NT5C2: variants seen among roughly 807,000 people sequenced by gnomAD.
NT5C2 encodes the protein cytosolic purine 5'-nucleotidase.
Under a neutral mutation model 76.1 loss-of-function variants are expected in NT5C2, and 58 were observed. The observed-to-expected ratio is 0.76, with a 90% CI of 0.62 to 0.95. The LOEUF (loss-of-function observed/expected upper bound fraction) is 0.95. Ranked by LOEUF, NT5C2 falls within the 40% of genes least tolerant of loss-of-function variation. NT5C2 has a pLI of 0.00. For missense variants in NT5C2, 478 were observed against 690.3 expected (o/e 0.69, Z 3.45); for synonymous variants, 229 against 237.4 (o/e 0.96, Z 0.32).
At chr10:103,176,525 T>C (rs897794961) in intron 2 of NT5C2, among the ~76,000 whole-genome samples, 4 of 152,220 alleles carry the variant, frequency 2.6e-5, no homozygotes, top group Non-Finnish European at 5.9e-5. Context: ...TTGTGCTGTG[T>C]CTGCTGGCAC....
At chr10:103,125,444 G>A (rs2076486280) in intron 4 of NT5C2, 2 of 247,886 alleles carry the variant, frequency 8.1e-6, no homozygotes, top group South Asian at 4.6e-5. Context: ...ATGATGGAAA[G>A]AAAAAAAAAT....
intron 1 of NT5C2, among the ~76,000 whole-genome samples, chr10:103,192,895 G>T (rs958549140): frequency 6.6e-6 from 1 of 152,182 alleles, no homozygotes; most frequent in Non-Finnish European, 1.5e-5. Context: ...CGCGGCGAAC[G>T]GCCGCGCTGG....
chr10:103,111,883 G>T, intron 4 of NT5C2: 3 of 897,534 alleles, frequency 3.3e-6, no homozygotes, highest in South Asian at 1.1e-4. Flanking sequence ...TGATGGGCTG[G>T]AACAGAGAGA....
intron 1 of NT5C2, among the ~76,000 whole-genome samples, chr10:103,185,135 G>A (rs930528599): frequency 6.6e-6 from 1 of 151,956 alleles, no homozygotes; most frequent in African/African-American, 2.4e-5. Flanking sequence ...GAATAATACC[G>A]GACCTTCAAC....
At position 103,089,977 on chromosome 10, in the gene NT5C2, CCT is replaced by C. The variant is rs761220668; in HGVS notation, c.1450-71_1450-70del. The C allele has an allele frequency of 3.1e-6, 4 of 1,298,224 alleles. No individual in the cohort carries two copies. The highest frequency in any genetic ancestry group is 2.4e-5 in the East Asian group (1 of 41,954). The allele number at this position is 1,298,224 out of a possible 1,614,324, so 80.4% of individuals were successfully genotyped here. ...AGTAGCTACTCCCCAAATCCTAACCCCTCTCCTCTGTTAGGTGGCCATGCAAT... is the reference window on the plus strand; with the variant it reads ...AGTAGCTACTCCCCAAATCCTAACCCCTCCTCTGTTAGGTGGCCATGCAAT... On this transcript the variant is annotated intron_variant, in intron 18 of 18. Transcript: ENST00000404739.
At chr10:103,189,554 C>T (rs1419092435) in intron 1 of NT5C2, among the ~76,000 whole-genome samples, 2 of 146,796 alleles carry the variant, frequency 1.4e-5, no homozygotes, top group East Asian at 2.0e-4. Flanking sequence ...TGCAGTGAGC[C>T]GAGATCGCAC....
intron 4 of NT5C2, among the ~76,000 whole-genome samples, chr10:103,117,707 T>C (rs1280804184): frequency 6.6e-6 from 1 of 152,234 alleles, no homozygotes; most frequent in Non-Finnish European, 1.5e-5. Context: ...AAGCAATATG[T>C]ATTTATTCTA....
chr10:103,170,000 T>A (rs1269332747), intron 3 of NT5C2, among the ~76,000 whole-genome samples: 1 of 152,076 alleles, frequency 6.6e-6, no homozygotes, highest in Non-Finnish European at 1.5e-5. Context: ...CGCATGCCTA[T>A]AATCACAGCT....
At chr10:103,156,751 ATCTC>A (rs1489495230) in intron 3 of NT5C2, among the ~76,000 whole-genome samples, 2 of 128,780 alleles carry the variant, frequency 1.6e-5, no homozygotes, top group Non-Finnish European at 3.4e-5. Flanking sequence ...GCGAAACTCT[ATCTC>A]AAAAAAAAAA....
At chr10:103,127,235 A>T (rs913274177) in intron 4 of NT5C2, among the ~76,000 whole-genome samples, 1 of 152,236 alleles carries the variant, frequency 6.6e-6, no homozygotes, top group Admixed American at 6.5e-5. Context: ...AAATACTGGC[A>T]TTCTATGGGT....
chr10:103,129,582 C>T (rs2077576677), intron 4 of NT5C2, among the ~76,000 whole-genome samples: 2 of 113,522 alleles, frequency 1.8e-5, no homozygotes, highest in East Asian at 2.7e-4. Flanking sequence ...GTGGGGGTGT[C>T]AGCCCCCCGC....
intron 4 of NT5C2, among the ~76,000 whole-genome samples, chr10:103,130,041 T>C (rs1345892758): frequency 1.2e-4 from 18 of 145,704 alleles, no homozygotes; most frequent in African/African-American, 2.8e-4. Flanking sequence ...GCCACCACCC[T>C]GTCTGGGAGG....
intron 2 of NT5C2, among the ~76,000 whole-genome samples, chr10:103,177,746 T>C (rs1186805178): frequency 6.6e-6 from 1 of 152,240 alleles, no homozygotes; most frequent in East Asian, 1.9e-4. Flanking sequence ...CCAGGCTAAG[T>C]CTTTTTTATA....
chr10:103,174,432 G>A (rs1037286037), intron 3 of NT5C2, among the ~76,000 whole-genome samples: 1 of 152,096 alleles, frequency 6.6e-6, no homozygotes, highest in African/African-American at 2.4e-5. Context: ...CTAGCTGGGT[G>A]CAGTAGCCCA....
chr10:103,192,985 G>T (rs1172740442), intron 1 of NT5C2, among the ~76,000 whole-genome samples: 1 of 152,042 alleles, frequency 6.6e-6, no homozygotes, highest in African/African-American at 2.4e-5. Context: ...GCGTCGCGGC[G>T]GCGCGGAGGA....
chr10:103,167,190 ATTCT>A (rs2086626075), intron 3 of NT5C2, among the ~76,000 whole-genome samples: 1 of 151,662 alleles, frequency 6.6e-6, no homozygotes, highest in East Asian at 1.9e-4. Context: ...TAATTTTTGT[ATTCT>A]TTAAGTAGAG....
chr10:103,178,443 G>T (rs546327316), intron 2 of NT5C2, among the ~76,000 whole-genome samples: 6 of 152,220 alleles, frequency 3.9e-5, no homozygotes, highest in Admixed American at 2.0e-4. Flanking sequence ...TACTTGGGAG[G>T]CTGAGGCAGG....
intron 3 of NT5C2, among the ~76,000 whole-genome samples, chr10:103,141,605 A>C (rs1328127136): frequency 1.3e-5 from 2 of 152,370 alleles, no homozygotes; most frequent in South Asian, 2.1e-4. Flanking sequence ...ATTTCAGGGA[A>C]GAGGCTCTCC....
Position 103,106,751 on chromosome 10 carries a change from A to C in NT5C2, c.176-45T>G, listed in dbSNP as rs943401694. 3.6e-6 allele frequency: 4 copies of C among 1,108,590 alleles called. No individual in the cohort carries two copies. In the African/African-American group the frequency reaches 4.6e-5, roughly 13 times the overall value. 68.7% of individuals were successfully genotyped at this position (1,108,590 alleles called of 1,614,324 possible). On this transcript the variant is annotated intron_variant, in intron 4 of 18. Coordinates refer to ENST00000404739, the MANE Select transcript of NT5C2 (RefSeq NM_001351169.2). ...TCATTAGTTAGCAGAAAGAACAGCC[A>C]ATTAAAACAGAATGCAAATGAATGA... is the stretch of plus-strand genomic sequence containing the variant.
Sources: allele counts gnomAD v4.1 joint callset (sites outside exome capture counted in the v4.1 genomes callset), GRCh38; gene constraint gnomAD v4.1.1; transcripts MANE v1.5; gene names NCBI Gene and HGNC (gene_info 2026-07-23, HGNC 2026-07-21).